MSH3: variants seen among roughly 807,000 people sequenced by gnomAD.
MSH3 encodes mutS homolog 3, also known as DNA mismatch repair protein Msh3.
Under a neutral mutation model 123.3 loss-of-function variants are expected in MSH3, and 106 were observed. The observed-to-expected ratio is 0.86, with a 90% CI of 0.73 to 1.01. MSH3 has a LOEUF of 1.01. Among genes scored for constraint, MSH3 ranks in the 50% least tolerant of loss-of-function variants. The pLI, the probability that MSH3 is intolerant of heterozygous loss-of-function variation, is 0.00. For synonymous variants in MSH3, 515 were observed against 481.4 expected, an observed-to-expected ratio of 1.07 and a Z score of -0.91; for missense variants, 1,459 against 1,347.6, an observed-to-expected ratio of 1.08 and a Z score of -1.29.
At chr5:80,747,558 A>T (rs1358708628) in intron 12 of MSH3, among the ~76,000 whole-genome samples, 2 of 152,208 alleles carry the variant, frequency 1.3e-5, no homozygotes, top group East Asian at 3.9e-4. Context: ...AATCTATTTC[A>T]AAAGAATTCC....
At chr5:80,699,727 A>G (rs984324312) in intron 8 of MSH3, among the ~76,000 whole-genome samples, 3 of 151,964 alleles carry the variant, frequency 2.0e-5, no homozygotes, top group Non-Finnish European at 2.9e-5. Flanking sequence ...TTTTTTCCCC[A>G]TTATGTTTAT....
rs758718643 is a variant in MSH3, at chr5:80,654,905, G to GCCGCAGCGT, written c.186_187insTCCGCAGCG (p.Ala62_Pro63insSerAlaAla). 4.0e-6 allele frequency: 6 copies of GCCGCAGCGT among 1,494,406 alleles called. No homozygotes were observed. In the East Asian group the frequency reaches 7.7e-5, roughly 19 times the overall value. The allele number at this position is 1,494,406 out of a possible 1,614,324, so 92.6% of individuals were successfully genotyped here. A position where few individuals can be genotyped will look rare whatever the true frequency, so the allele number is the denominator to read the frequency against. On this transcript the variant is annotated inframe_insertion, in exon 1 of 24. Transcript: ENST00000265081. Reference sequence around the variant, plus strand: ...TGCAGCGGCTGCAGCGGCCGCAGCGGCCGCAGCGCCCCCAGCGCCCCCAGC... The same window carrying GCCGCAGCGT: ...TGCAGCGGCTGCAGCGGCCGCAGCGGCCGCAGCGTCCGCAGCGCCCCCAGCGCCCCCAGC...
At chr5:80,683,307 C>T (rs1750014279) in intron 8 of MSH3, among the ~76,000 whole-genome samples, 1 of 152,040 alleles carries the variant, frequency 6.6e-6, no homozygotes, top group Non-Finnish European at 1.5e-5. Flanking sequence ...AGTGGTTGTA[C>T]TAATTTACAT....
intron 10 of MSH3, among the ~76,000 whole-genome samples, chr5:80,732,846 C>A (rs1396066607): frequency 3.3e-5 from 5 of 152,104 alleles, no homozygotes. Context: ...AAAAAACGCT[C>A]AAAAAACTAC....
In MSH3 at chr5:80,672,789, G is replaced by A; in HGVS notation, c.958G>A (p.Asp320Asn). 1 of 1,614,148 alleles carries A rather than the reference G, an allele frequency of 6.2e-7. No individual in the cohort carries two copies. The highest frequency in any genetic ancestry group is 2.2e-5 in the East Asian group (1 of 44,872). ...AACTGCAGCATTAAAGGCCATTGGAGACAACAGAAGTTCACTCTTTTCCCG... is the reference window on the plus strand; with the variant it reads ...AACTGCAGCATTAAAGGCCATTGGAAACAACAGAAGTTCACTCTTTTCCCG... ...TETAALKAIG[D>N]NRSSLFSRKL... The change falls in exon 6 of 24, where the codon GAC becomes AAC. Residue 320 changes from aspartate to asparagine, a missense_variant. Transcript: ENST00000265081.
intron 18 of MSH3, among the ~76,000 whole-genome samples, chr5:80,788,677 G>T (rs968066577): frequency 6.6e-6 from 1 of 151,752 alleles, no homozygotes; most frequent in African/African-American, 2.4e-5. Context: ...GGGCGTGGTG[G>T]TGCACACCTG....
intron 20 of MSH3, among the ~76,000 whole-genome samples, chr5:80,848,819 CT>C (rs1052794022): frequency 6.6e-6 from 1 of 152,130 alleles, no homozygotes; most frequent in African/African-American, 2.4e-5. Flanking sequence ...TATTCCACCC[CT>C]GGCCCCTCCC....
At chr5:80,788,454 T>A (rs987358383) in intron 18 of MSH3, among the ~76,000 whole-genome samples, 1 of 151,678 alleles carries the variant, frequency 6.6e-6, no homozygotes, top group African/African-American at 2.4e-5. Context: ...AAAAAAAATT[T>A]TTTTTCAGAC....
rs777318930 is a variant in MSH3, at chr5:80,813,738, C to G, written c.2810C>G (p.Thr937Arg). ...ATIGIVDGIF[T>R]RMGAADNIYK... ...ATTGGGATTGTGGATGGCATTTTCA[C>G]AAGGTAAGTACGTTAATTCAGCTTG... Residue 937 changes from threonine to arginine, a missense_variant, in exon 20 of 24, where the codon ACA becomes AGA. By Grantham distance (71) the Thr-to-Arg change is moderately conservative. Transcript: ENST00000265081. 8.1e-6 allele frequency: 13 copies of G among 1,614,094 alleles called. 1 individual carries two copies. The South Asian group carries it at 1.3e-4, about 16-fold the overall frequency.
chr5:80,806,793 T>C (rs1744899036), intron 19 of MSH3, among the ~76,000 whole-genome samples: 1 of 152,204 alleles, frequency 6.6e-6, no homozygotes, highest in Non-Finnish European at 1.5e-5. Context: ...ATTGACCCTA[T>C]AGATCAATTT....
chr5:80,728,258 G>A (rs151886), intron 9 of MSH3, among the ~76,000 whole-genome samples: 34,471 of 152,132 alleles, frequency 0.23, 4,106 homozygotes, highest in Non-Finnish European at 0.27. Context: ...CAAGGATGAA[G>A]CAGTGAGACC....
chr5:80,803,624 TG>T (rs1744834020), intron 19 of MSH3, among the ~76,000 whole-genome samples: 1 of 151,876 alleles, frequency 6.6e-6, no homozygotes, highest in Non-Finnish European at 1.5e-5. Flanking sequence ...CCTGTGTTTG[TG>T]GGGTATTTCT....
At chr5:80,739,209 CAT>C (rs1276995646) in intron 10 of MSH3, among the ~76,000 whole-genome samples, 1 of 152,222 alleles carries the variant, frequency 6.6e-6, no homozygotes, top group African/African-American at 2.4e-5. Context: ...AGTAAGGACT[CAT>C]ATCTAAACAC....
intron 22 of MSH3, among the ~76,000 whole-genome samples, chr5:80,870,601 C>G (rs35109637): frequency 0.13 from 20,262 of 152,136 alleles, 1,393 homozygotes; most frequent in East Asian, 0.24. Context: ...AAGGTACTGT[C>G]AGTGCCTTGC....
chr5:80,789,518 G>T (rs1744572507), intron 18 of MSH3, among the ~76,000 whole-genome samples: 2 of 152,192 alleles, frequency 1.3e-5, no homozygotes, highest in South Asian at 4.1e-4. Flanking sequence ...TTACAGGCGT[G>T]TGCCACCACG....
At chr5:80,779,711 G>T (rs535807358) in intron 17 of MSH3, among the ~76,000 whole-genome samples, 124 of 150,740 alleles carry the variant, frequency 8.2e-4, no homozygotes, top group African/African-American at 2.9e-3. Context: ...GGCGCACACC[G>T]CCACGCCCTG....
intron 12 of MSH3, among the ~76,000 whole-genome samples, chr5:80,751,376 C>G (rs2112873555): frequency 6.6e-6 from 1 of 152,286 alleles, no homozygotes; most frequent in African/African-American, 2.4e-5. Flanking sequence ...ACATCTACAA[C>G]TATCTGATTT....
intron 20 of MSH3, among the ~76,000 whole-genome samples, chr5:80,818,866 T>A (rs1159248399): frequency 6.6e-6 from 1 of 152,240 alleles, no homozygotes; most frequent in Non-Finnish European, 1.5e-5. Context: ...TTATTGTACA[T>A]CTTTGGATTT....
chr5:80,723,282 T>G (rs919051375), intron 8 of MSH3, among the ~76,000 whole-genome samples: 10 of 151,782 alleles, frequency 6.6e-5, no homozygotes, highest in Non-Finnish European at 8.8e-5. Context: ...CCCTAGAAAT[T>G]AAGAGACTGT....
Sources: allele counts gnomAD v4.1 joint callset (sites outside exome capture counted in the v4.1 genomes callset), GRCh38; gene constraint gnomAD v4.1.1; transcripts MANE v1.5; gene names NCBI Gene and HGNC (gene_info 2026-07-23, HGNC 2026-07-21).